FRMD4B: variants seen among roughly 807,000 people sequenced by gnomAD.
The protein encoded by FRMD4B is FERM domain containing 4B, also known as FERM domain-containing protein 4B.
A neutral mutation model predicts 141.5 loss-of-function variants in FRMD4B; 74 were observed. The observed-to-expected ratio is 0.52, with a 90% confidence interval of 0.43 to 0.63. The LOEUF is 0.63. Among genes scored for constraint, FRMD4B ranks in the 30% least tolerant of loss-of-function variants. FRMD4B has a pLI of 0.00. For missense variants in FRMD4B, 1,366 were observed against 1,253.4 expected, an observed-to-expected ratio of 1.09 and a Z score of -1.36; for synonymous variants, 506 against 467.9, an observed-to-expected ratio of 1.08 and a Z score of -1.05.
intron 9 of FRMD4B, 136 bp from the exon 10 acceptor site, chr3:69,218,515 CAG>C (rs1700648342): frequency 9.0e-6 from 5 of 555,514 alleles, no homozygotes; most frequent in Admixed American, 3.7e-5. Flanking sequence ...CAAGTAGAAA[CAG>C]AATAAACCAT....
intron 12 of FRMD4B, 158 bp downstream of exon 12, chr3:69,198,540 T>C: frequency 1.7e-6 from 1 of 605,568 alleles, no homozygotes; most frequent in Non-Finnish European, 3.0e-6. Flanking sequence ...CCTCAGAGGG[T>C]TAAAGATAGT....
intron 11 of FRMD4B, among the ~76,000 whole-genome samples, chr3:69,201,741 G>A (rs2092969907): frequency 6.6e-6 from 1 of 152,148 alleles, no homozygotes; most frequent in South Asian, 2.1e-4. Context: ...AAACGGCAAT[G>A]GAGCTGAGGT....
At chr3:69,177,667 T>C (rs1217382568) in intron 21 of FRMD4B, among the ~76,000 whole-genome samples, 1 of 152,024 alleles carries the variant, frequency 6.6e-6, no homozygotes, top group Non-Finnish European at 1.5e-5. Flanking sequence ...AAAATAATAA[T>C]AACACATAAA....
chr3:69,465,124 T>C (rs1236031393), intron 1 of FRMD4B, among the ~76,000 whole-genome samples: 1 of 152,008 alleles, frequency 6.6e-6, no homozygotes, highest in Non-Finnish European at 1.5e-5. Context: ...ATTGAGACCA[T>C]CCTGGCTAAC....
chr3:69,340,199 A>G (rs767787283), intron 1 of FRMD4B, among the ~76,000 whole-genome samples: 11 of 151,642 alleles, frequency 7.3e-5, no homozygotes, highest in Non-Finnish European at 1.6e-4. Flanking sequence ...GGGTACATGT[A>G]CAGGTTTGTT....
At chr3:69,464,893 T>C (rs564351702) in intron 1 of FRMD4B, among the ~76,000 whole-genome samples, 14 of 152,242 alleles carry the variant, frequency 9.2e-5, no homozygotes, top group Middle Eastern at 3.4e-3. Flanking sequence ...GCAGGTCAAA[T>C]AACCAATTTT....
chr3:69,314,727 C>T (rs746361861), intron 1 of FRMD4B, among the ~76,000 whole-genome samples: 2 of 152,004 alleles, frequency 1.3e-5, no homozygotes, highest in Non-Finnish European at 2.9e-5. Flanking sequence ...TCCAGCTACT[C>T]TGGAGGCTGA....
intron 1 of FRMD4B, among the ~76,000 whole-genome samples, chr3:69,459,349 TACTC>T (rs1294694449): frequency 2.6e-5 from 4 of 152,150 alleles, no homozygotes; most frequent in Admixed American, 2.0e-4. Context: ...ATAGCTCAAA[TACTC>T]AGAAAGGAAA....
At chr3:69,342,107 T>C (rs1702759311) in intron 1 of FRMD4B, among the ~76,000 whole-genome samples, 1 of 152,134 alleles carries the variant, frequency 6.6e-6, no homozygotes, top group African/African-American at 2.4e-5. Context: ...CCCCCACAAA[T>C]ATAGGCAAAA....
chr3:69,318,477 C>T, intron 1 of FRMD4B, among the ~76,000 whole-genome samples: 1 of 152,036 alleles, frequency 6.6e-6, no homozygotes, highest in East Asian at 1.9e-4. Context: ...GGGGCATGAA[C>T]AAACACCTGA....
chr3:69,479,256 T>C (rs1706069630), intron 1 of FRMD4B, among the ~76,000 whole-genome samples: 1 of 150,748 alleles, frequency 6.6e-6, no homozygotes, highest in Non-Finnish European at 1.5e-5. Flanking sequence ...ATTATGATGT[T>C]AGCTGGTTAT....
intron 7 of FRMD4B, among the ~76,000 whole-genome samples, chr3:69,244,193 C>T (rs940875406): frequency 3.3e-5 from 5 of 151,992 alleles, no homozygotes; most frequent in African/African-American, 1.2e-4. Context: ...ATCTGTCTGA[C>T]AGGTGGGAAA....
intron 1 of FRMD4B, among the ~76,000 whole-genome samples, chr3:69,511,551 T>C (rs1382356249): frequency 6.6e-6 from 1 of 152,142 alleles, no homozygotes; most frequent in African/African-American, 2.4e-5. Context: ...GCAGGGAGCA[T>C]ACCTGACTGA....
intron 1 of FRMD4B, among the ~76,000 whole-genome samples, chr3:69,497,800 A>G (rs1288649235): frequency 1.3e-5 from 2 of 152,136 alleles, no homozygotes; most frequent in Non-Finnish European, 2.9e-5. Flanking sequence ...GGTGCACTGC[A>G]GTCTCAAACT....
intron 1 of FRMD4B, among the ~76,000 whole-genome samples, chr3:69,531,822 T>A (rs896490749): frequency 7.9e-5 from 12 of 152,222 alleles, no homozygotes; most frequent in Non-Finnish European, 1.6e-4. Context: ...CTGAACTGTT[T>A]AAAGCAGCTG....
chr3:69,486,343 A>G (rs1377748762), intron 1 of FRMD4B, among the ~76,000 whole-genome samples: 2 of 152,102 alleles, frequency 1.3e-5, no homozygotes, highest in Non-Finnish European at 2.9e-5. Flanking sequence ...ACCACACCAT[A>G]TTTGTGGTCT....
intron 14 of FRMD4B, 99 bp from the exon 15 acceptor site, chr3:69,195,463 T>C: frequency 1.1e-6 from 1 of 915,218 alleles, no homozygotes; most frequent in Non-Finnish European, 1.6e-6. Flanking sequence ...TATTAAATGG[T>C]AGTTTATTTC....
intron 1 of FRMD4B, among the ~76,000 whole-genome samples, chr3:69,530,805 C>T (rs895498227): frequency 6.6e-6 from 1 of 152,194 alleles, no homozygotes; most frequent in Non-Finnish European, 1.5e-5. Context: ...CTTCTAGAAA[C>T]GGCAACCGTG....
chr3:69,403,851 TGC>T (rs1230175040), intron 2 of FRMD4B, among the ~76,000 whole-genome samples: 2 of 152,166 alleles, frequency 1.3e-5, no homozygotes, highest in Non-Finnish European at 2.9e-5. Context: ...GGTCTCTCTT[TGC>T]ACATTTTATT....
Sources: gnomAD v4.1 joint callset for allele counts (sites outside exome capture counted in the v4.1 genomes callset) on GRCh38, gnomAD v4.1.1 for gene constraint, MANE v1.5 for transcripts, NCBI Gene and HGNC (gene_info 2026-07-23, HGNC 2026-07-21) for gene names.